Variants in RIT2 observed in about 807,000 individuals in gnomAD.
The protein encoded by RIT2 is GTP-binding protein Rit2.
Under a neutral mutation model 23.7 loss-of-function variants are expected in RIT2, and 24 were observed. That is an observed-to-expected ratio of 1.01 (90% CI 0.73 to 1.43). The LOEUF (loss-of-function observed/expected upper bound fraction) is 1.43. RIT2 is among the 40% of genes most tolerant of loss of function. The pLI, the probability that RIT2 is intolerant of heterozygous loss-of-function variation, is 0.00. For missense variants in RIT2, 236 were observed against 266.9 expected (o/e 0.88, Z 0.81); for synonymous variants, 107 against 91.1 (o/e 1.17, Z -0.99).
intron 4 of RIT2, among the ~76,000 whole-genome samples, chr18:42,886,755 T>G (rs929761020): frequency 1.3e-5 from 2 of 152,138 alleles, no homozygotes; most frequent in Admixed American, 6.5e-5. Flanking sequence ...AAGGGCAACA[T>G]GAAAATTAAA....
intron 3 of RIT2, among the ~76,000 whole-genome samples, chr18:42,945,590 A>G (rs547446572): frequency 6.6e-6 from 1 of 152,294 alleles, no homozygotes; most frequent in South Asian, 2.1e-4. Flanking sequence ...CAGAAGAAGC[A>G]TTAGTTTATT....
intron 4 of RIT2, among the ~76,000 whole-genome samples, chr18:42,819,955 T>A (rs760401731): frequency 1.2e-4 from 18 of 152,160 alleles, no homozygotes; most frequent in Non-Finnish European, 2.1e-4. Context: ...AGCATTTGCA[T>A]ATAACCTACA....
chr18:43,102,295 G>T (rs1317014935), intron 1 of RIT2, among the ~76,000 whole-genome samples: 5 of 152,122 alleles, frequency 3.3e-5, no homozygotes, highest in Admixed American at 2.0e-4. Flanking sequence ...TGTTGACCAA[G>T]AAACAATTGT....
At chr18:42,988,031 G>A (rs1910754177) in intron 2 of RIT2, among the ~76,000 whole-genome samples, 1 of 152,098 alleles carries the variant, frequency 6.6e-6, no homozygotes, top group African/African-American at 2.4e-5. Context: ...TATTTGGAAG[G>A]GACAAATATA....
At chr18:43,051,603 C>T (rs1008462709) in intron 1 of RIT2, among the ~76,000 whole-genome samples, 3 of 151,972 alleles carry the variant, frequency 2.0e-5, no homozygotes, top group African/African-American at 7.2e-5. Flanking sequence ...TTTTCATATA[C>T]TATAACTTAA....
chr18:43,020,482 T>C (rs1413502723), intron 2 of RIT2, among the ~76,000 whole-genome samples: 1 of 151,744 alleles, frequency 6.6e-6, no homozygotes, highest in Admixed American at 6.6e-5. Flanking sequence ...TGAGACTCTG[T>C]CTAAAACAAA....
intron 4 of RIT2, among the ~76,000 whole-genome samples, chr18:42,913,209 A>T (rs1908816864): frequency 6.6e-6 from 1 of 151,526 alleles, no homozygotes; most frequent in Non-Finnish European, 1.5e-5. Context: ...AAAAAAAAAA[A>T]CAAATTTATA....
intron 4 of RIT2, among the ~76,000 whole-genome samples, chr18:42,767,243 G>A (rs1230300342): frequency 6.6e-6 from 1 of 152,196 alleles, no homozygotes; most frequent in Non-Finnish European, 1.5e-5. Flanking sequence ...GAAGCTGGGT[G>A]GGAGGCTGTA....
chr18:42,932,509 C>G (rs953849483), intron 3 of RIT2, among the ~76,000 whole-genome samples: 1 of 152,154 alleles, frequency 6.6e-6, no homozygotes, highest in Non-Finnish European at 1.5e-5. Flanking sequence ...TCAACTTTAT[C>G]TTCAGTTAAT....
chr18:43,096,856 G>C (rs559568451), intron 1 of RIT2, among the ~76,000 whole-genome samples: 2 of 151,816 alleles, frequency 1.3e-5, no homozygotes, highest in East Asian at 3.9e-4. Context: ...TTATGCCACA[G>C]TTTCTTGAAT....
At chr18:42,830,088 C>T (rs1906412560) in intron 4 of RIT2, among the ~76,000 whole-genome samples, 1 of 152,244 alleles carries the variant, frequency 6.6e-6, no homozygotes, top group Non-Finnish European at 1.5e-5. Context: ...ATTCTTGCAG[C>T]TGTCCAGTTG....
intron 4 of RIT2, among the ~76,000 whole-genome samples, chr18:42,918,024 G>A (rs1908957596): frequency 6.6e-6 from 1 of 152,090 alleles, no homozygotes; most frequent in African/African-American, 2.4e-5. Flanking sequence ...ATTTGAATGT[G>A]TATAATTTTA....
At chr18:43,014,007 G>A (rs7226911) in intron 2 of RIT2, among the ~76,000 whole-genome samples, 20,403 of 151,704 alleles carry the variant, frequency 0.13, 1,570 homozygotes, top group African/African-American at 0.2. Context: ...TTAAGGCTCC[G>A]CTGCTGGGTA....
chr18:43,108,939 G>T (rs2068097), intron 1 of RIT2, among the ~76,000 whole-genome samples: 16,251 of 152,220 alleles, frequency 0.11, 894 homozygotes, highest in East Asian at 0.15. Flanking sequence ...GCATGGCCAC[G>T]ATGTGACAAT....
chr18:43,054,984 A>G lies in RIT2; in HGVS notation c.104-21117T>C, dbSNP rs529207371. Among the ~76,000 whole-genome samples the G allele has an allele frequency of 4.6e-5, 7 of 152,164 alleles. No homozygotes were observed. In the South Asian group the frequency reaches 1.5e-3, roughly 32 times the overall value. ...TCAATTATAGCTGTGCATTGGATTCACCTCGGTTACTGTTAAATGCATCAA... is the reference window on the plus strand; with the variant it reads ...TCAATTATAGCTGTGCATTGGATTCGCCTCGGTTACTGTTAAATGCATCAA... On this transcript the variant is annotated intron_variant, in intron 1 of 4. Coordinates refer to ENST00000326695, the MANE Select transcript of RIT2 (RefSeq NM_002930.4).
At chr18:43,013,166 CACTGA>C (rs1355945446) in intron 2 of RIT2, among the ~76,000 whole-genome samples, 1 of 151,834 alleles carries the variant, frequency 6.6e-6, no homozygotes, top group Non-Finnish European at 1.5e-5. Context: ...GTTGCAACAT[CACTGA>C]ACTGATCAAC....
At chr18:42,863,224 A>G (rs933230780) in intron 4 of RIT2, among the ~76,000 whole-genome samples, 1 of 152,138 alleles carries the variant, frequency 6.6e-6, no homozygotes, top group Admixed American at 6.5e-5. Context: ...ATCCTTACTG[A>G]AAACTTTTAG....
At chr18:43,038,834 T>C (rs1912054637) in intron 1 of RIT2, among the ~76,000 whole-genome samples, 1 of 152,194 alleles carries the variant, frequency 6.6e-6, no homozygotes, top group South Asian at 2.1e-4. Flanking sequence ...TCTCTGTTTC[T>C]ATGCATTACA....
At chr18:42,985,441 C>T (rs1910687936) in intron 2 of RIT2, among the ~76,000 whole-genome samples, 1 of 151,896 alleles carries the variant, frequency 6.6e-6, no homozygotes, top group Admixed American at 6.6e-5. Flanking sequence ...ATGAACAGAG[C>T]CAAGACTTTG....
Sources: allele counts gnomAD v4.1 joint callset (sites outside exome capture counted in the v4.1 genomes callset), GRCh38; gene constraint gnomAD v4.1.1; transcripts MANE v1.5; gene names NCBI Gene and HGNC (gene_info 2026-07-23, HGNC 2026-07-21).